The following EYS variants were observed in gnomAD, a reference collection of about 807,000 sequenced individuals.
EYS encodes the protein EGF-like photoreceptor maintenance factor, also known as protein eyes shut homolog.
A neutral mutation model predicts 282.1 loss-of-function variants in EYS; 250 were observed. The ratio of observed to expected loss-of-function variants is 0.89; its 90% CI spans 0.80 to 0.98. The LOEUF is 0.98. Among genes scored for constraint, EYS ranks in the 50% least tolerant of loss-of-function variants. The pLI, the probability that EYS is intolerant of heterozygous loss-of-function variation, is 0.00. For synonymous variants in EYS, 1,355 were observed against 1,282.9 expected (o/e 1.06, Z -1.20); for missense variants, 4,016 against 3,709.0 (o/e 1.08, Z -2.15).
At chr6:63,980,192 T>C (rs1767022682) in intron 35 of EYS, among the ~76,000 whole-genome samples, 1 of 152,014 alleles carries the variant, frequency 6.6e-6, no homozygotes, top group South Asian at 2.1e-4. Context: ...TCTCATACTA[T>C]AACACTATTA....
chr6:64,901,248 G>A (rs957574873), intron 18 of EYS, among the ~76,000 whole-genome samples: 14 of 149,618 alleles, frequency 9.4e-5, no homozygotes, highest in Middle Eastern at 3.5e-3. Context: ...CAGGGGTTGG[G>A]GGGCAAGGGG....
chr6:65,407,737 A>G (rs551342415), intron 5 of EYS, among the ~76,000 whole-genome samples: 3 of 132,628 alleles, frequency 2.3e-5, no homozygotes, highest in Admixed American at 1.7e-4. Context: ...CTTTCAACTA[A>G]TAAGTCCGTG....
chr6:64,876,643 A>G (rs755885480), intron 19 of EYS, among the ~76,000 whole-genome samples: 26 of 152,248 alleles, frequency 1.7e-4, no homozygotes, highest in Non-Finnish European at 2.4e-4. Flanking sequence ...ATTGCTAGGA[A>G]GGGAATAAAA....
intron 19 of EYS, among the ~76,000 whole-genome samples, chr6:64,842,365 C>A (rs149811595): frequency 6.6e-6 from 1 of 151,718 alleles, no homozygotes; most frequent in African/African-American, 2.4e-5. Context: ...AGTCCCCACC[C>A]GAATCTCATC....
rs370044397 is a variant in EYS at position 65,204,606 on chromosome 6, C to T, written c.2023+91257G>A. On this transcript the variant is annotated intron_variant, in intron 12 of 42. Coordinates refer to ENST00000503581, the MANE Select transcript of EYS (RefSeq NM_001142800.2). ...AAAAGCATATATAAGAAAGCTCACA[C>T]ATTACACAAAGCAATTACACAATTG... is the stretch of plus-strand genomic sequence containing the variant. 3.9e-5 allele frequency among the ~76,000 whole-genome samples: 6 copies of T among 151,954 alleles called. No homozygotes were observed. The South Asian group carries it at 8.3e-4, about 21-fold the overall frequency.
chr6:63,817,601 G>C (rs1226065265), intron 36 of EYS, among the ~76,000 whole-genome samples: 1 of 152,182 alleles, frequency 6.6e-6, no homozygotes, highest in Non-Finnish European at 1.5e-5. Flanking sequence ...AGTTTGTACA[G>C]GGTGAGAAAT....
intron 5 of EYS, among the ~76,000 whole-genome samples, chr6:65,440,853 A>G (rs1338602682): frequency 6.8e-6 from 1 of 146,996 alleles, no homozygotes; most frequent in Non-Finnish European, 1.5e-5. Flanking sequence ...GTGTATATAT[A>G]TATATATAGA....
At chr6:64,908,755 G>C (rs1767905940) in intron 16 of EYS, among the ~76,000 whole-genome samples, 1 of 152,068 alleles carries the variant, frequency 6.6e-6, no homozygotes, top group South Asian at 2.1e-4. Flanking sequence ...ACACAGGATG[G>C]GGAGTGCTTG....
intron 22 of EYS, among the ~76,000 whole-genome samples, chr6:64,671,037 T>C (rs1440358018): frequency 1.3e-5 from 2 of 152,134 alleles, no homozygotes; most frequent in Non-Finnish European, 2.9e-5. Context: ...AGGAAGAAAG[T>C]ACTTTATTTT....
intron 26 of EYS, among the ~76,000 whole-genome samples, chr6:64,588,336 C>T (rs977471752): frequency 2.6e-5 from 4 of 152,026 alleles, no homozygotes; most frequent in Admixed American, 6.6e-5. Flanking sequence ...TTGCTCTTCC[C>T]GATCTTCTTT....
chr6:64,651,153 C>T (rs989298178), intron 22 of EYS, among the ~76,000 whole-genome samples: 13 of 151,906 alleles, frequency 8.6e-5, no homozygotes, highest in Admixed American at 2.6e-4. Context: ...AAAAAAAGGT[C>T]CACATGAATA....
chr6:64,506,290 T>C (rs2150515492), intron 26 of EYS, among the ~76,000 whole-genome samples: 1 of 152,302 alleles, frequency 6.6e-6, no homozygotes, highest in African/African-American at 2.4e-5. Flanking sequence ...TTTACCACTC[T>C]ATGCCCACTA....
chr6:65,394,849 T>TA (rs1395245465), intron 7 of EYS, among the ~76,000 whole-genome samples: 1 of 152,162 alleles, frequency 6.6e-6, no homozygotes, highest in African/African-American at 2.4e-5. Flanking sequence ...GCCCAATGTC[T>TA]ACATGTTGTA....
chr6:64,702,690 A>T (rs555521820), intron 22 of EYS, among the ~76,000 whole-genome samples: 142 of 152,214 alleles, frequency 9.3e-4, no homozygotes, highest in African/African-American at 3.3e-3. Context: ...AGAATACAAG[A>T]TCAGAAAGGG....
intron 11 of EYS, among the ~76,000 whole-genome samples, chr6:65,308,968 G>A (rs2150297077): frequency 6.6e-6 from 1 of 152,172 alleles, no homozygotes; most frequent in Admixed American, 6.5e-5. Flanking sequence ...ATTCTCAGGA[G>A]GATCGGGAAA....
At position 65,662,711 on chromosome 6, in the gene EYS, T is replaced by G. The variant is rs576937682; in HGVS notation, c.-447-22819A>C. 3.3e-5 allele frequency among the ~76,000 whole-genome samples: 5 copies of G among 152,272 alleles called. No individual in the cohort carries two copies. In the East Asian group the frequency reaches 9.7e-4, roughly 29 times the overall value. On this transcript the variant is annotated intron_variant, in intron 1 of 42. Coordinates refer to ENST00000503581, the MANE Select transcript of EYS (RefSeq NM_001142800.2). The stretch of plus-strand genomic sequence containing the variant: ...GAACCACAGTGTTGAAATGACTACA[T>G]GCTCTGTTATAAACACTAAAATTTT...
At chr6:63,844,378 G>A (rs1252783297) in intron 36 of EYS, among the ~76,000 whole-genome samples, 1 of 152,094 alleles carries the variant, frequency 6.6e-6, no homozygotes, top group African/African-American at 2.4e-5. Flanking sequence ...CTCAGTAATT[G>A]GATTGCTGGC....
intron 22 of EYS, among the ~76,000 whole-genome samples, chr6:64,673,250 T>A (rs924435976): frequency 6.6e-6 from 1 of 151,998 alleles, no homozygotes; most frequent in African/African-American, 2.4e-5. Flanking sequence ...TGCATAGACA[T>A]CCAGGACACA....
At chr6:64,476,250 T>C (rs1162181263) in intron 26 of EYS, among the ~76,000 whole-genome samples, 1 of 152,206 alleles carries the variant, frequency 6.6e-6, no homozygotes, top group Non-Finnish European at 1.5e-5. Context: ...TAGTTAACTA[T>C]TCGCATGTCT....
Sources: allele counts gnomAD v4.1 joint callset (sites outside exome capture counted in the v4.1 genomes callset), GRCh38; gene constraint gnomAD v4.1.1; transcripts MANE v1.5; gene names NCBI Gene and HGNC (gene_info 2026-07-23, HGNC 2026-07-21).